The following PHF3 variants were observed in gnomAD, a reference collection of about 807,000 sequenced individuals.
PHF3 encodes the protein PHD finger protein 3.
PHF3 carries 41 observed loss-of-function variants against 178.4 expected under a neutral mutation model. That is an observed-to-expected ratio of 0.23 (90% CI 0.18 to 0.30). PHF3 has a LOEUF of 0.30. Ranked by LOEUF, PHF3 falls within the 10% of genes least tolerant of loss-of-function variation. PHF3 has a pLI of 1.00. For missense variants in PHF3, 2,346 were observed against 2,398.1 expected (o/e 0.98, Z 0.45); for synonymous variants, 842 against 800.5 (o/e 1.05, Z -0.88).
chr6:63,672,700 T>C (rs1323176819), intron 2 of PHF3, among the ~76,000 whole-genome samples: 2 of 152,156 alleles, frequency 1.3e-5, no homozygotes, highest in Admixed American at 6.5e-5. Context: ...ACTTCTATAT[T>C]TGAGTCCTTG....
chr6:63,646,352 C>T (rs948211363), intron 1 of PHF3, among the ~76,000 whole-genome samples, 175 bp from the exon 2 acceptor site: 24 of 151,650 alleles, frequency 1.6e-4, no homozygotes, highest in South Asian at 4.2e-4. Flanking sequence ...AGTAAAGATT[C>T]GTTCTACATT....
chr6:63,708,451 C>T (rs1036572676), intron 13 of PHF3, among the ~76,000 whole-genome samples: 2 of 151,430 alleles, frequency 1.3e-5, no homozygotes, highest in African/African-American at 4.9e-5. Context: ...TTTTCACTTC[C>T]GTTTTGTACT....
intron 2 of PHF3, among the ~76,000 whole-genome samples, chr6:63,672,520 A>G (rs992521216): frequency 6.6e-6 from 1 of 152,168 alleles, no homozygotes; most frequent in Non-Finnish European, 1.5e-5. Flanking sequence ...ACTTTAATAC[A>G]TTTTTAGCCT....
chr6:63,658,711 TGTG>T (rs1765341081), intron 2 of PHF3, among the ~76,000 whole-genome samples: 1 of 3,540 alleles, frequency 2.8e-4, no homozygotes. Flanking sequence ...ATAGATTTTG[TGTG>T]TGTGTGTGTG....
chr6:63,667,927 G>T (rs1042901102), intron 2 of PHF3, among the ~76,000 whole-genome samples: 2 of 152,160 alleles, frequency 1.3e-5, no homozygotes, highest in Non-Finnish European at 2.9e-5. Context: ...TGTTAAATTG[G>T]ATTACTGGGT....
chr6:63,643,926 C>T (rs1323501366), intron 1 of PHF3, among the ~76,000 whole-genome samples: 1 of 152,140 alleles, frequency 6.6e-6, no homozygotes. Context: ...AAAATTGCTC[C>T]TTTAGATGAC....
At chr6:63,667,065 G>A (rs1005600033) in intron 2 of PHF3, among the ~76,000 whole-genome samples, 4 of 151,932 alleles carry the variant, frequency 2.6e-5, no homozygotes, top group Admixed American at 1.3e-4. Context: ...GGCTGGTCTC[G>A]AACCCCTGGG....
intron 2 of PHF3, among the ~76,000 whole-genome samples, chr6:63,671,734 A>C (rs1161649344): frequency 6.6e-6 from 1 of 152,044 alleles, no homozygotes; most frequent in African/African-American, 2.4e-5. Context: ...TTACATTCAT[A>C]TTTACAGTTG....
At chr6:63,648,336 G>A (rs577118150) in intron 2 of PHF3, among the ~76,000 whole-genome samples, 1 of 152,198 alleles carries the variant, frequency 6.6e-6, no homozygotes, top group South Asian at 2.1e-4. Context: ...ACAGTGTTTG[G>A]TTGTATGCTG....
intron 2 of PHF3, among the ~76,000 whole-genome samples, chr6:63,661,126 A>G (rs1260208940): frequency 2.0e-5 from 3 of 152,186 alleles, no homozygotes; most frequent in Non-Finnish European, 2.9e-5. Context: ...GCAGTTCTCA[A>G]CATTACTGTG....
chr6:63,693,761 A>G (rs1039212824), intron 5 of PHF3, among the ~76,000 whole-genome samples: 1 of 152,146 alleles, frequency 6.6e-6, no homozygotes, highest in South Asian at 2.1e-4. Context: ...TTTCTTTTTG[A>G]TGTGAACTGT....
In PHF3 at chr6:63,691,985, A is replaced by G. The variant is rs1206001781; in HGVS notation, c.2438A>G (p.Asn813Ser). Reference sequence around the variant, plus strand: ...CTTGGATTATCAAAACACACAACAAATGATAGAACCAAATATATAGATGAT... The same window carrying G: ...CTTGGATTATCAAAACACACAACAAGTGATAGAACCAAATATATAGATGAT... ...EKLGLSKHTT[N>S]DRTKYIDDTV... Residue 813 changes from asparagine to serine, a missense_variant, in exon 5 of 16, where the codon AAT becomes AGT. By Grantham distance (46) the Asn-to-Ser change is conservative. Transcript: ENST00000262043. 3 of 1,613,588 alleles carry G rather than the reference A, an allele frequency of 1.9e-6. No individual in the cohort carries two copies. The highest frequency in any genetic ancestry group is 1.1e-5 in the South Asian group (1 of 91,060).
At chr6:63,697,113 G>T (rs1246588868) in intron 6 of PHF3, among the ~76,000 whole-genome samples, 1 of 152,074 alleles carries the variant, frequency 6.6e-6, no homozygotes, top group Non-Finnish European at 1.5e-5. Context: ...TGATAGTGTA[G>T]GTGTGAAACT....
intron 4 of PHF3, among the ~76,000 whole-genome samples, chr6:63,689,212 T>C (rs1766886191): frequency 6.6e-6 from 1 of 152,222 alleles, no homozygotes; most frequent in South Asian, 2.1e-4. Context: ...TTTGAACTTC[T>C]TTTAAACGTA....
rs1352149790 is a variant in PHF3 at position 63,716,079 on chromosome 6, G to A, written c.*2371G>A. ...AAGTTCACCCCATGTAATCTTTGTGGCAATCAGAAAGCCTCCTTGAGCCCT... is the reference window on the plus strand; with the variant it reads ...AAGTTCACCCCATGTAATCTTTGTGACAATCAGAAAGCCTCCTTGAGCCCT... On this transcript the variant is annotated 3_prime_UTR_variant, in exon 16 of 16. Coordinates refer to ENST00000262043, the MANE Select transcript of PHF3 (RefSeq NM_001370348.2). Among the ~76,000 whole-genome samples, 2 of 152,158 alleles carry A rather than the reference G, an allele frequency of 1.3e-5. No homozygotes were observed. The highest frequency in any genetic ancestry group is 4.8e-5 in the African/African-American group (2 of 41,446).
intron 2 of PHF3, among the ~76,000 whole-genome samples, chr6:63,664,229 C>T (rs1765585674): frequency 6.6e-6 from 1 of 152,196 alleles, no homozygotes; most frequent in Admixed American, 6.5e-5. Context: ...TTTCAGAGCA[C>T]ATCCTGCCTC....
rs1299911955 is a variant in PHF3, at chr6:63,717,149, A to C, written c.*3441A>C. On this transcript the variant is annotated 3_prime_UTR_variant, in exon 16 of 16. Coordinates refer to ENST00000262043, the MANE Select transcript of PHF3 (RefSeq NM_001370348.2). The stretch of plus-strand genomic sequence containing the variant: ...AGCAATAGAGAAGAAAATGGAGTGA[A>C]AAGTGAAGCCACTCCATGTTAACGT... Among the ~76,000 whole-genome samples the C allele has an allele frequency of 6.6e-6, 1 of 152,068 alleles. No individual in the cohort carries two copies. The highest frequency in any genetic ancestry group is 1.5e-5 in the Non-Finnish European group (1 of 67,974).
At chr6:63,702,705 A>G (rs1767526767) in intron 10 of PHF3, 66 bp downstream of exon 10, 2 of 1,465,468 alleles carry the variant, frequency 1.4e-6, no homozygotes, top group Non-Finnish European at 9.3e-7. Context: ...TTATTTGCCT[A>G]ATGTTTTTAA....
In PHF3 at chr6:63,685,228, C is replaced by T. The variant is rs113074394; in HGVS notation, c.1506C>T (p.Thr502=). The T allele has an allele frequency of 1.7e-4, 272 of 1,613,774 alleles. 1 individual carries two copies. Among genetic ancestry groups the T allele is most frequent in the Middle Eastern group, 1.3e-3 (8 of 6,062 alleles). Residue 502 remains threonine, a synonymous_variant, in exon 4 of 16, where the codon ACC becomes ACT. Transcript: ENST00000262043. ...KPVIHSKQNM[T]TDAPKKIVAA... ...TAATTCATTCTAAGCAAAACATGAC[C>T]ACAGATGCTCCGAAGAAAATTGTTG...
Sources: gnomAD v4.1 joint callset for allele counts (sites outside exome capture counted in the v4.1 genomes callset) on GRCh38, gnomAD v4.1.1 for gene constraint, MANE v1.5 for transcripts, NCBI Gene and HGNC (gene_info 2026-07-23, HGNC 2026-07-21) for gene names.